HS3ST5: variants seen among roughly 807,000 people sequenced by gnomAD.
The protein encoded by HS3ST5 is heparan sulfate glucosamine 3-O-sulfotransferase 5.
HS3ST5 carries 10 observed loss-of-function variants against 25.4 expected under a neutral mutation model. The ratio of observed to expected loss-of-function variants is 0.39; its 90% CI spans 0.24 to 0.67. The LOEUF is 0.67. HS3ST5 is among the 30% of genes least tolerant of loss of function. The probability of loss-of-function intolerance (pLI) is 0.44; values close to 1 mark genes in which losing one functional copy is unlikely to be tolerated. For synonymous variants in HS3ST5, 170 were observed against 162.4 expected (o/e 1.05, Z -0.36); for missense variants, 324 against 420.7 (o/e 0.77, Z 2.01).
At chr6:114,226,214 TAAAG>T (rs1771280321) in intron 2 of HS3ST5, among the ~76,000 whole-genome samples, 1 of 151,908 alleles carries the variant, frequency 6.6e-6, no homozygotes, top group Non-Finnish European at 1.5e-5. Flanking sequence ...ATACAAGAAA[TAAAG>T]AATCTTTCCA....
chr6:114,124,627 G>A (rs1485671971), intron 3 of HS3ST5, among the ~76,000 whole-genome samples: 2 of 147,248 alleles, frequency 1.4e-5, no homozygotes, highest in East Asian at 3.9e-4. Context: ...TCCAGGATTA[G>A]CTCTTTTTTT....
intron 1 of HS3ST5, among the ~76,000 whole-genome samples, chr6:114,293,444 C>T (rs1172707601): frequency 6.6e-6 from 1 of 152,068 alleles, no homozygotes; most frequent in Admixed American, 6.6e-5. Context: ...GTCTTTGATT[C>T]AGGATAATTA....
At chr6:114,166,305 C>T (rs1028822334) in intron 3 of HS3ST5, among the ~76,000 whole-genome samples, 3 of 152,086 alleles carry the variant, frequency 2.0e-5, no homozygotes, top group African/African-American at 7.2e-5. Context: ...AGTCATCTGC[C>T]ACATCCCAGC....
intron 1 of HS3ST5, among the ~76,000 whole-genome samples, chr6:114,239,464 C>T (rs1772002854): frequency 6.6e-6 from 1 of 152,124 alleles, no homozygotes; most frequent in South Asian, 2.1e-4. Flanking sequence ...GATGGGGTTT[C>T]CTTGGGGAGG....
chr6:114,262,313 C>T lies in HS3ST5; in HGVS notation c.-338-33535G>A, dbSNP rs528428146. The stretch of plus-strand genomic sequence containing the variant: ...CTGCAATCCCAGCACTTTGGGAGGT[C>T]GAGGAGGGCTGATCACAAGTTCAGG... On this transcript the variant is annotated intron_variant, in intron 1 of 4. Coordinates refer to ENST00000312719, the MANE Select transcript of HS3ST5 (RefSeq NM_153612.4). 2.3e-3 allele frequency among the ~76,000 whole-genome samples: 352 copies of T among 152,254 alleles called. 2 individuals carry two copies. Among genetic ancestry groups the T allele is most frequent in the African/African-American group, 8.3e-3 (343 of 41,536 alleles).
At chr6:114,247,794 C>G (rs952728889) in intron 1 of HS3ST5, among the ~76,000 whole-genome samples, 3 of 150,908 alleles carry the variant, frequency 2.0e-5, no homozygotes, top group Non-Finnish European at 2.9e-5. Flanking sequence ...ATATCCCAGT[C>G]TATGTAAGCA....
At chr6:114,108,163 G>T (rs1199169106) in intron 3 of HS3ST5, among the ~76,000 whole-genome samples, 1 of 152,106 alleles carries the variant, frequency 6.6e-6, no homozygotes, top group Non-Finnish European at 1.5e-5. Flanking sequence ...AAAATATAAA[G>T]AATTACTAAC....
chr6:114,197,627 ACTCC>A (rs1293112478), intron 2 of HS3ST5, among the ~76,000 whole-genome samples: 1 of 150,346 alleles, frequency 6.7e-6, no homozygotes, highest in East Asian at 2.0e-4. Flanking sequence ...GCCTTTGCCC[ACTCC>A]CTCCCTCCCT....
intron 1 of HS3ST5, among the ~76,000 whole-genome samples, chr6:114,248,403 C>A (rs1772485644): frequency 6.6e-6 from 1 of 151,406 alleles, no homozygotes; most frequent in Non-Finnish European, 1.5e-5. Flanking sequence ...AAATAAGAAG[C>A]AAACACTAAC....
intron 1 of HS3ST5, among the ~76,000 whole-genome samples, chr6:114,254,238 C>T (rs1270415829): frequency 6.6e-6 from 1 of 152,226 alleles, no homozygotes; most frequent in Non-Finnish European, 1.5e-5. Flanking sequence ...AGATTTGGCA[C>T]TGTGGAAGAC....
chr6:114,179,040 C>A (rs1779847328), intron 2 of HS3ST5: 1 of 152,190 alleles, frequency 6.6e-6, no homozygotes, highest in Non-Finnish European at 1.5e-5. Context: ...CACTCCCAGT[C>A]AAGGACTGTA....
intron 3 of HS3ST5, among the ~76,000 whole-genome samples, chr6:114,071,456 T>C (rs1168229053): frequency 1.3e-5 from 2 of 152,240 alleles, no homozygotes; most frequent in African/African-American, 2.4e-5. Context: ...CACAGCAGTC[T>C]CTACTTAATT....
At chr6:114,160,461 T>C (rs1408659009) in intron 3 of HS3ST5, among the ~76,000 whole-genome samples, 2 of 152,028 alleles carry the variant, frequency 1.3e-5, no homozygotes, top group African/African-American at 2.4e-5. Flanking sequence ...GAATTAGAAA[T>C]TCCCCCTCCC....
intron 1 of HS3ST5, among the ~76,000 whole-genome samples, chr6:114,281,255 A>G (rs1239752265): frequency 1.3e-5 from 2 of 152,018 alleles, no homozygotes; most frequent in East Asian, 1.9e-4. Context: ...AGAATCTTCA[A>G]TTAAAATAAC....
At chr6:114,180,582 C>T (rs1433361013) in intron 2 of HS3ST5, among the ~76,000 whole-genome samples, 1 of 152,134 alleles carries the variant, frequency 6.6e-6, no homozygotes, top group Non-Finnish European at 1.5e-5. Context: ...GGGACTTGGA[C>T]TGAGCCACTG....
chr6:114,309,411 T>C (rs746741666), intron 1 of HS3ST5, among the ~76,000 whole-genome samples: 7 of 152,046 alleles, frequency 4.6e-5, no homozygotes, highest in Non-Finnish European at 8.8e-5. Flanking sequence ...TAACCACAGG[T>C]TGAAAATATT....
chr6:114,252,999 C>A (rs887506376), intron 1 of HS3ST5, among the ~76,000 whole-genome samples: 9 of 151,996 alleles, frequency 5.9e-5, no homozygotes, highest in Admixed American at 2.6e-4. Context: ...CTGGGCAACA[C>A]AGGAGATGAG....
At chr6:114,084,047 T>C (rs960245789) in intron 3 of HS3ST5, 3 of 567,594 alleles carry the variant, frequency 5.3e-6, no homozygotes, top group Non-Finnish European at 9.3e-6. Context: ...ACTTGGTCTT[T>C]TTTTATGGTC....
intron 3 of HS3ST5, among the ~76,000 whole-genome samples, chr6:114,103,276 G>C (rs1775819998): frequency 6.6e-6 from 1 of 151,722 alleles, no homozygotes; most frequent in Non-Finnish European, 1.5e-5. Flanking sequence ...AGGAATTAGA[G>C]ATTATTATCG....
Sources: allele counts gnomAD v4.1 joint callset (sites outside exome capture counted in the v4.1 genomes callset), GRCh38; gene constraint gnomAD v4.1.1; transcripts MANE v1.5; gene names NCBI Gene and HGNC (gene_info 2026-07-23, HGNC 2026-07-21).